The following GALNT18 variants were observed in gnomAD, a reference collection of about 807,000 sequenced individuals.
The protein encoded by GALNT18 is GalNAc-transferase 18.
A neutral mutation model predicts 69.5 loss-of-function variants in GALNT18; 44 were observed. The ratio of observed to expected loss-of-function variants is 0.63; its 90% CI spans 0.50 to 0.81. GALNT18 has a LOEUF of 0.81. GALNT18 is among the 40% of genes least tolerant of loss of function. The pLI, the probability that GALNT18 is intolerant of heterozygous loss-of-function variation, is 0.00. For missense variants in GALNT18, 715 were observed against 810.0 expected, an observed-to-expected ratio of 0.88 and a Z score of 1.42; for synonymous variants, 364 against 318.2, an observed-to-expected ratio of 1.14 and a Z score of -1.53.
chr11:11,318,869 C>T lies in GALNT18; in HGVS notation c.1512+8217G>A, dbSNP rs2129528. 0.035 allele frequency among the ~76,000 whole-genome samples: 5,359 copies of T among 152,240 alleles called. 272 individuals are homozygous for T. Among genetic ancestry groups the T allele is most frequent in the African/African-American group, 0.12 (4,778 of 41,510 alleles). ...AATTTTCCAAGAGAATGTACTCATG[C>T]TTGACTTTGCTATTTACCTTTTGAT... On this transcript the variant is annotated intron_variant, in intron 9 of 10. Coordinates refer to ENST00000227756, the MANE Select transcript of GALNT18 (RefSeq NM_198516.3). The surrounding 1 kb of genome is among the most constrained non-coding windows in gnomAD (Gnocchi z 5.1).
In GALNT18 at chr11:11,337,541, A is replaced by G. The variant is rs1241248942; in HGVS notation, c.1278+3278T>C. ...GTTCTAATGAGAGGGAGACTTTTAG[A>G]TAACAGAACACTCTTTCACAGGCTG... On this transcript the variant is annotated intron_variant, in intron 7 of 10. Transcript: ENST00000227756. The surrounding 1 kb of genome is among the most constrained non-coding windows in gnomAD (Gnocchi z 4.9). Among the ~76,000 whole-genome samples, 1 of 152,156 alleles carries G rather than the reference A, an allele frequency of 6.6e-6. No individual in the cohort carries two copies. The highest frequency in any genetic ancestry group is 1.5e-5 in the Non-Finnish European group (1 of 68,020).
At position 11,463,034 on chromosome 11, in the gene GALNT18, A is replaced by G. The variant is rs1856079498; in HGVS notation, c.236-14098T>C. On this transcript the variant is annotated intron_variant, in intron 1 of 10. Transcript: ENST00000227756. This position sits in a 1 kb window ranked among gnomAD's most constrained non-coding sequence, Gnocchi z 4.2. The stretch of plus-strand genomic sequence containing the variant: ...ATGTATAGCATGCACCTGCCCCTAC[A>G]GGACAGGCAGGTGGGAGGGTAAGCA... Among the ~76,000 whole-genome samples the G allele has an allele frequency of 4.6e-5, 7 of 152,168 alleles. No individual in the cohort carries two copies. The highest frequency in any genetic ancestry group is 3.9e-4 in the Admixed American group (6 of 15,286).
At position 11,596,186 on chromosome 11, in the gene GALNT18, A is replaced by G. The variant is rs974440431; in HGVS notation, c.235+25173T>C. On this transcript the variant is annotated intron_variant, in intron 1 of 10. Transcript: ENST00000227756. The surrounding 1 kb of genome is among the most constrained non-coding windows in gnomAD (Gnocchi z 4.2). ...GTTTGAGCATCCTTATCAAAATAAA[A>G]TTGACCATAAATTTAAGCACTTAAT... Among the ~76,000 whole-genome samples, 2 of 152,336 alleles carry G rather than the reference A, an allele frequency of 1.3e-5. No homozygotes were observed. Among genetic ancestry groups the G allele is most frequent in the Non-Finnish European group, 2.9e-5 (2 of 68,022 alleles).
At chr11:11,467,357 C>A (rs568366320) in intron 1 of GALNT18, among the ~76,000 whole-genome samples, 1 of 152,320 alleles carries the variant, frequency 6.6e-6, no homozygotes, top group African/African-American at 2.4e-5. Flanking sequence ...CAGCTGCCAC[C>A]CCTGCCCCTT....
intron 1 of GALNT18, among the ~76,000 whole-genome samples, chr11:11,458,935 A>G (rs921661169): frequency 6.6e-6 from 1 of 152,188 alleles, no homozygotes; most frequent in Non-Finnish European, 1.5e-5. Flanking sequence ...GCAAACCCCC[A>G]GCTCCCTGGG....
At chr11:11,277,283 T>C (rs1848969598) in intron 10 of GALNT18, among the ~76,000 whole-genome samples, 1 of 152,234 alleles carries the variant, frequency 6.6e-6, no homozygotes, top group African/African-American at 2.4e-5. Context: ...TTCTAGATTT[T>C]CTAGTTTTTT....
At chr11:11,517,368 T>A (rs1057141255) in intron 1 of GALNT18, among the ~76,000 whole-genome samples, 5 of 152,206 alleles carry the variant, frequency 3.3e-5, no homozygotes, top group African/African-American at 1.2e-4. Flanking sequence ...GGATTCTGAA[T>A]CCTGTTAGGA....
At chr11:11,294,271 G>C (rs556361940) in intron 9 of GALNT18, among the ~76,000 whole-genome samples, 3 of 152,232 alleles carry the variant, frequency 2.0e-5, no homozygotes, top group Non-Finnish European at 1.5e-5. Flanking sequence ...GGGAAATGCT[G>C]TCTACCAGAG....
intron 2 of GALNT18, among the ~76,000 whole-genome samples, chr11:11,438,799 T>C (rs995152235): frequency 6.7e-6 from 1 of 148,938 alleles, no homozygotes; most frequent in Non-Finnish European, 1.5e-5. Flanking sequence ...ATGAAGAGGC[T>C]GTATTCTGTC....
At chr11:11,443,071 G>A (rs1251360288) in intron 2 of GALNT18, among the ~76,000 whole-genome samples, 1 of 152,180 alleles carries the variant, frequency 6.6e-6, no homozygotes, top group Non-Finnish European at 1.5e-5. Context: ...AGACTTTCCT[G>A]TGCCCCTTGT....
chr11:11,454,945 G>T lies in GALNT18; in HGVS notation c.236-6009C>A, dbSNP rs1855893107. On this transcript the variant is annotated intron_variant, in intron 1 of 10. Coordinates refer to ENST00000227756, the MANE Select transcript of GALNT18 (RefSeq NM_198516.3). This position sits in a 1 kb window ranked among gnomAD's most constrained non-coding sequence, Gnocchi z 4.2. ...GGTCTGTGCAAAGCATGACATTTCT[G>T]ACATTAACAGGCAAACAGGCTGACT... Among the ~76,000 whole-genome samples the T allele has an allele frequency of 2.0e-5, 3 of 152,192 alleles. No individual in the cohort carries two copies. The South Asian group carries it at 6.2e-4, about 31-fold the overall frequency.
intron 3 of GALNT18, among the ~76,000 whole-genome samples, chr11:11,391,990 G>A (rs1854203823): frequency 6.6e-6 from 1 of 152,226 alleles, no homozygotes; most frequent in South Asian, 2.1e-4. Context: ...AAGAATGAAT[G>A]AGTGCATGAG....
At chr11:11,492,451 A>T (rs977193558) in intron 1 of GALNT18, among the ~76,000 whole-genome samples, 4 of 152,264 alleles carry the variant, frequency 2.6e-5, no homozygotes, top group African/African-American at 9.6e-5. Context: ...TTAGAAATAG[A>T]TCTGCATTCT....
chr11:11,300,187 A>T (rs1228097143), intron 9 of GALNT18, among the ~76,000 whole-genome samples: 1 of 152,178 alleles, frequency 6.6e-6, no homozygotes, highest in African/African-American at 2.4e-5. Flanking sequence ...TCCTCCATTA[A>T]ATGAGCCTTC....
Position 11,465,873 on chromosome 11 carries a change from T to G in GALNT18, c.236-16937A>C. On this transcript the variant is annotated intron_variant, in intron 1 of 10. Transcript: ENST00000227756. This position sits in a 1 kb window ranked among gnomAD's most constrained non-coding sequence, Gnocchi z 5.7. ...ATACTGCTGAGTACTTCTGCCTTCTTCCCTGGCCTCACTGCATGGCTCACC... is the reference window on the plus strand; with the variant it reads ...ATACTGCTGAGTACTTCTGCCTTCTGCCCTGGCCTCACTGCATGGCTCACC... Among the ~76,000 whole-genome samples the G allele has an allele frequency of 6.6e-6, 1 of 152,128 alleles. No individual in the cohort carries two copies. The highest frequency in any genetic ancestry group is 1.9e-4 in the East Asian group (1 of 5,202).
chr11:11,307,586 A>C (rs575363604), intron 9 of GALNT18, among the ~76,000 whole-genome samples: 54 of 152,064 alleles, frequency 3.6e-4, no homozygotes, highest in Non-Finnish European at 6.2e-4. Flanking sequence ...CAACCATCAC[A>C]ATGCCCTGCT....
chr11:11,345,850 C>T (rs922626497), intron 6 of GALNT18, among the ~76,000 whole-genome samples: 3 of 152,148 alleles, frequency 2.0e-5, no homozygotes, highest in African/African-American at 7.2e-5. Flanking sequence ...AGGAAGAAAC[C>T]ACCAAGATGT....
intron 10 of GALNT18, among the ~76,000 whole-genome samples, chr11:11,288,411 A>C (rs1314594554): frequency 6.6e-6 from 1 of 152,136 alleles, no homozygotes; most frequent in Non-Finnish European, 1.5e-5. Flanking sequence ...CAAGCCTCCT[A>C]TGTGAAGCCA....
intron 9 of GALNT18, among the ~76,000 whole-genome samples, chr11:11,325,567 G>A (rs1849902635): frequency 6.6e-6 from 1 of 151,960 alleles, no homozygotes; most frequent in Non-Finnish European, 1.5e-5. Flanking sequence ...GTCAACATAA[G>A]AAAATATATA....
Sources: allele counts gnomAD v4.1 joint callset (sites outside exome capture counted in the v4.1 genomes callset), GRCh38; gene constraint gnomAD v4.1.1; non-coding constraint Gnocchi (gnomAD v3.1); transcripts MANE v1.5; gene names NCBI Gene and HGNC (gene_info 2026-07-23, HGNC 2026-07-21).